The following SLC36A1 variants were observed in gnomAD, a reference collection of about 807,000 sequenced individuals.
The protein encoded by SLC36A1 is proton-coupled amino acid transporter 1.
Under a neutral mutation model 47.5 loss-of-function variants are expected in SLC36A1, and 30 were observed. The ratio of observed to expected loss-of-function variants is 0.63; its 90% CI spans 0.47 to 0.86. The LOEUF (loss-of-function observed/expected upper bound fraction) is 0.86. Among genes scored for constraint, SLC36A1 ranks in the 40% least tolerant of loss-of-function variants. SLC36A1 has a pLI of 0.00. For synonymous variants in SLC36A1, 255 were observed against 249.7 expected (o/e 1.02, Z -0.20); for missense variants, 517 against 606.0 (o/e 0.85, Z 1.54).
At chr5:151,527,044 AAGTGCCTAACAC>A in the SLC36A1 span, among the ~76,000 whole-genome samples, 1 of 152,240 alleles carries the variant, frequency 6.6e-6, no homozygotes, top group African/African-American at 2.4e-5. Flanking sequence ...ATGGATATGA[AAGTGCCTAACAC>A]AGTGCCTGAT....
chr5:151,404,386 T>C, the SLC36A1 span, among the ~76,000 whole-genome samples: 5 of 152,312 alleles, frequency 3.3e-5, no homozygotes, highest in African/African-American at 1.2e-4. Context: ...TTTGTGCCTT[T>C]TAAATGAGGT....
the SLC36A1 span, among the ~76,000 whole-genome samples, chr5:151,369,558 C>G: frequency 6.6e-6 from 1 of 152,238 alleles, no homozygotes; most frequent in Non-Finnish European, 1.5e-5. Context: ...CTCACTGCAA[C>G]TTCAAACTCT....
intron 4 of SLC36A1, 83 bp downstream of exon 4, chr5:151,464,685 A>T (rs1756076591): frequency 4.4e-6 from 5 of 1,123,860 alleles, no homozygotes. Context: ...GCACTGATGC[A>T]GACCACTCTC....
chr5:151,435,543 T>C (rs1378055010), upstream of SLC36A1, among the ~76,000 whole-genome samples: 3 of 152,114 alleles, frequency 2.0e-5, no homozygotes, highest in Non-Finnish European at 2.9e-5. Flanking sequence ...ATTATTATTA[T>C]AAAAAATGGA....
At chr5:151,468,294 T>TA (rs70976016) in intron 7 of SLC36A1, among the ~76,000 whole-genome samples, 2,621 of 61,850 alleles carry the variant, frequency 0.042, 127 homozygotes, top group East Asian at 0.13. Flanking sequence ...TATATATATA[T>TA]TTTATATATA....
At chr5:151,553,480 T>C in the SLC36A1 span, 1 of 1,115,270 alleles carries the variant, frequency 9.0e-7, no homozygotes, top group Non-Finnish European at 1.3e-6. Context: ...CCTGTGATTC[T>C]GACCAAGCAG....
At chr5:151,513,792 T>C in the SLC36A1 span, among the ~76,000 whole-genome samples, 1 of 152,230 alleles carries the variant, frequency 6.6e-6, no homozygotes, top group Non-Finnish European at 1.5e-5. Flanking sequence ...GTATTTATGT[T>C]GACATGTGAG....
chr5:151,449,900 A>G (rs895376953), intron 1 of SLC36A1, among the ~76,000 whole-genome samples: 3 of 152,234 alleles, frequency 2.0e-5, no homozygotes, highest in Non-Finnish European at 4.4e-5. Flanking sequence ...TGGACTTACT[A>G]GCATGTAGAG....
chr5:151,429,179 A>G, the SLC36A1 span, among the ~76,000 whole-genome samples: 1 of 151,770 alleles, frequency 6.6e-6, no homozygotes, highest in Non-Finnish European at 1.5e-5. Flanking sequence ...TTTACCTATG[A>G]TTTTATTTTT....
chr5:151,550,787 T>C, the SLC36A1 span: 1 of 1,613,984 alleles, frequency 6.2e-7, no homozygotes. Flanking sequence ...CCTGGCACGG[T>C]GTCCTGGGGA....
intron 1 of SLC36A1, among the ~76,000 whole-genome samples, chr5:151,454,110 C>G (rs1410046657): frequency 5.1e-5 from 3 of 59,170 alleles, no homozygotes; most frequent in Admixed American, 3.6e-4. Context: ...TTTTTTTTGG[C>G]CATCAAACTT....
intron 1 of SLC36A1, among the ~76,000 whole-genome samples, chr5:151,448,213 T>G (rs1181639129): frequency 2.0e-5 from 3 of 152,114 alleles, no homozygotes; most frequent in Non-Finnish European, 4.4e-5. Flanking sequence ...ACTGAGCCCT[T>G]ACTCCGGGAA....
chr5:151,502,082 C>T, the SLC36A1 span, among the ~76,000 whole-genome samples: 3 of 147,864 alleles, frequency 2.0e-5, no homozygotes, highest in Non-Finnish European at 2.9e-5. Flanking sequence ...GATGCGGAGG[C>T]GGGTGGATCA....
the SLC36A1 span, among the ~76,000 whole-genome samples, chr5:151,548,167 A>G: frequency 1.3e-5 from 2 of 152,200 alleles, no homozygotes; most frequent in Non-Finnish European, 2.9e-5. Context: ...TACTGGCTTT[A>G]TACAGTACCA....
chr5:151,345,754 C>G, the SLC36A1 span, among the ~76,000 whole-genome samples: 8 of 152,204 alleles, frequency 5.3e-5, no homozygotes, highest in South Asian at 2.1e-4. Flanking sequence ...AACTTGAAAA[C>G]ATAGTGCGGT....
chr5:151,541,107 A>C, the SLC36A1 span, among the ~76,000 whole-genome samples: 1 of 152,250 alleles, frequency 6.6e-6, no homozygotes, highest in Non-Finnish European at 1.5e-5. Context: ...ATGCATAGCT[A>C]TACAACAGTG....
the SLC36A1 span, among the ~76,000 whole-genome samples, chr5:151,506,632 A>G: frequency 6.6e-6 from 1 of 152,242 alleles, no homozygotes; most frequent in Non-Finnish European, 1.5e-5. Flanking sequence ...CGGTTTCCGT[A>G]TTTGACACAT....
the SLC36A1 span, among the ~76,000 whole-genome samples, chr5:151,547,544 G>A: frequency 4.6e-5 from 7 of 152,188 alleles, no homozygotes; most frequent in African/African-American, 4.8e-5. Context: ...CAAGGCAAAT[G>A]GCTAAGTTTT....
At chr5:151,404,289 T>C in the SLC36A1 span, among the ~76,000 whole-genome samples, 7 of 152,218 alleles carry the variant, frequency 4.6e-5, no homozygotes, top group Admixed American at 2.6e-4. Flanking sequence ...ATCTCTTTAC[T>C]TTGAGCCTAT....
Sources: gnomAD v4.1 joint callset for allele counts (sites outside exome capture counted in the v4.1 genomes callset) on GRCh38, gnomAD v4.1.1 for gene constraint, MANE v1.5 for transcripts, NCBI Gene and HGNC (gene_info 2026-07-23, HGNC 2026-07-21) for gene names.